The following GLUD1 variants were observed in gnomAD, a reference collection of about 807,000 sequenced individuals.
GLUD1 encodes glutamate dehydrogenase 1, mitochondrial.
GLUD1 carries 22 observed loss-of-function variants against 56.0 expected under a neutral mutation model. The observed-to-expected ratio is 0.39, with a 90% CI of 0.28 to 0.56. GLUD1 has a LOEUF of 0.56. GLUD1 is among the 20% of genes least tolerant of loss of function. GLUD1 has a pLI of 0.58. For synonymous variants in GLUD1, 223 were observed against 269.9 expected (o/e 0.83, Z 1.70); for missense variants, 451 against 732.0 (o/e 0.62, Z 4.43).
chr10:87,052,261 T>C (rs1311518382), intron 12 of GLUD1, among the ~76,000 whole-genome samples: 1 of 151,844 alleles, frequency 6.6e-6, no homozygotes, highest in Non-Finnish European at 1.5e-5. Flanking sequence ...CTGAGGCAGG[T>C]GGATCACTTG....
intron 9 of GLUD1, 44 bp downstream of exon 9, chr10:87,060,117 T>C (rs1002559788): frequency 1.7e-6 from 2 of 1,197,218 alleles, no homozygotes; most frequent in South Asian, 1.2e-5. Flanking sequence ...AAGACTATTA[T>C]GATTCTAAGT....
chr10:87,072,434 G>A (rs561800461), intron 4 of GLUD1, among the ~76,000 whole-genome samples: 1 of 152,268 alleles, frequency 6.6e-6, no homozygotes, highest in South Asian at 2.1e-4. Context: ...GCCTCAATCT[G>A]ACACTCTCTG....
chr10:87,062,619 C>G (rs758326807), intron 6 of GLUD1, 37 bp downstream of exon 6: 14 of 1,414,722 alleles, frequency 9.9e-6, no homozygotes, highest in Non-Finnish European at 1.4e-5. Flanking sequence ...TAATGTCTAT[C>G]AGTTATTAAG....
At chr10:87,068,504 A>G (rs1403352160) in intron 4 of GLUD1, among the ~76,000 whole-genome samples, 1 of 152,206 alleles carries the variant, frequency 6.6e-6, no homozygotes, top group Non-Finnish European at 1.5e-5. Context: ...ACATGCAATT[A>G]GAGATAACAG....
intron 4 of GLUD1, among the ~76,000 whole-genome samples, chr10:87,070,678 C>T (rs1010662977): frequency 2.6e-5 from 4 of 152,030 alleles, no homozygotes; most frequent in Non-Finnish European, 1.5e-5. Context: ...GTTTGTAAAT[C>T]AGAAACACGT....
chr10:87,050,797 C>A lies in GLUD1; in HGVS notation c.*954G>T, dbSNP rs1017379209. The A allele has an allele frequency of 4.6e-5, 7 of 152,174 alleles. No individual in the cohort carries two copies. Among genetic ancestry groups the A allele is most frequent in the African/African-American group, 1.7e-4 (7 of 41,454 alleles). The allele number at this position is 152,174 out of a possible 1,614,324, so 9.4% of individuals were successfully genotyped here. The stretch of plus-strand genomic sequence containing the variant: ...TAGGGGCCATTGGCAATGCTCAGAG[C>A]CAGCCAGACTCCAAACAGGGAGCCC... On this transcript the variant is annotated 3_prime_UTR_variant, in exon 13 of 13. Transcript: ENST00000277865.
chr10:87,058,069 C>T lies in GLUD1; in HGVS notation c.1403-287G>A, dbSNP rs560048830. On this transcript the variant is annotated intron_variant, in intron 10 of 12. Coordinates refer to ENST00000277865, the MANE Select transcript of GLUD1 (RefSeq NM_005271.5). ...ATTTTTAGTAGAGACGGGGTTTCACCGTGTTAGCCAGGATGGTCTCGACCT... is the reference window on the plus strand; with the variant it reads ...ATTTTTAGTAGAGACGGGGTTTCACTGTGTTAGCCAGGATGGTCTCGACCT... Among the ~76,000 whole-genome samples, 68 of 152,240 alleles carry T rather than the reference C, an allele frequency of 4.5e-4. No homozygotes were observed. The South Asian group carries it at 0.013, about 29-fold the overall frequency.
chr10:87,094,827 T>C lies in GLUD1; in HGVS notation c.-58A>G. 1.5e-6 allele frequency: 2 copies of C among 1,320,750 alleles called. No homozygotes were observed. The highest frequency in any genetic ancestry group is 1.0e-6 in the Non-Finnish European group (1 of 963,124). 81.8% of individuals were successfully genotyped at this position (1,320,750 alleles called of 1,614,324 possible). Reference sequence around the variant, plus strand: ...GCGAAACAGGCGCGCTTTCTCAGACTCCCCGCGACTAGGGAGGAAGGGTCC... The same window carrying C: ...GCGAAACAGGCGCGCTTTCTCAGACCCCCCGCGACTAGGGAGGAAGGGTCC... On this transcript the variant is annotated 5_prime_UTR_variant, in exon 1 of 13. Transcript: ENST00000277865. The surrounding 1 kb of genome is among the most constrained non-coding windows in gnomAD (Gnocchi z 6.6).
rs770379161 is a variant in GLUD1, at chr10:87,074,502, A to AT, written c.646+48dup. On this transcript the variant is annotated intron_variant, in intron 4 of 12. Transcript: ENST00000277865. ...GACTCCGTCTCAAAAAAAAAAAAAA[A>AT]TTTTTAGATGTTCCCACTTTATACC... 1.6e-4 allele frequency: 170 copies of AT among 1,065,060 alleles called. 1 individual carries two copies. The African/African-American group carries it at 2.3e-3, about 14-fold the overall frequency. 66.0% of individuals were successfully genotyped at this position (1,065,060 alleles called of 1,614,324 possible).
At chr10:87,062,945 A>G in intron 5 of GLUD1, 110 bp from the exon 6 acceptor site, 1 of 977,952 alleles carries the variant, frequency 1.0e-6, no homozygotes. Flanking sequence ...AAATATGCTA[A>G]TTAGGAGTGT....
intron 4 of GLUD1, among the ~76,000 whole-genome samples, chr10:87,073,048 T>G (rs1846281588): frequency 6.6e-6 from 1 of 152,228 alleles, no homozygotes; most frequent in Admixed American, 6.5e-5. Context: ...CTAGTCAAGT[T>G]TTAGAGTTAC....
intron 12 of GLUD1, among the ~76,000 whole-genome samples, chr10:87,052,669 CAAA>C (rs751155208): frequency 0.015 from 635 of 41,612 alleles, 2 homozygotes; most frequent in African/African-American, 0.042. Context: ...AACTCCGTCT[CAAA>C]AAAAAAAAAA....
At position 87,094,283 on chromosome 10, in the gene GLUD1, G is replaced by A; in HGVS notation, c.445+42C>T. ...CAGGAGGCCGGAGGGGAGGGCCGCAGGGGAGGCAGGGAGGGCGGGACGGGG... is the reference window on the plus strand; with the variant it reads ...CAGGAGGCCGGAGGGGAGGGCCGCAAGGGAGGCAGGGAGGGCGGGACGGGG... On this transcript the variant is annotated intron_variant, in intron 1 of 12. Coordinates refer to ENST00000277865, the MANE Select transcript of GLUD1 (RefSeq NM_005271.5). The surrounding 1 kb of genome is among the most constrained non-coding windows in gnomAD (Gnocchi z 6.6). 1 of 1,560,544 alleles carries A rather than the reference G, an allele frequency of 6.4e-7. No individual in the cohort carries two copies. Among genetic ancestry groups the A allele is most frequent in the Non-Finnish European group, 8.7e-7 (1 of 1,152,954 alleles).
intron 3 of GLUD1, among the ~76,000 whole-genome samples, chr10:87,075,019 G>A (rs1339975165): frequency 6.6e-6 from 1 of 152,022 alleles, no homozygotes; most frequent in African/African-American, 2.4e-5. Context: ...ACTTGGAACT[G>A]ACTGGATAAA....
chr10:87,062,990 T>C lies in GLUD1; in HGVS notation c.742-155A>G, dbSNP rs559699178. Among the ~76,000 whole-genome samples, 4 of 152,330 alleles carry C rather than the reference T, an allele frequency of 2.6e-5. No individual in the cohort carries two copies. In the East Asian group the frequency reaches 7.7e-4, roughly 29 times the overall value. ...TGTATTTAAGGTATACTTTTACCAATAGAGACAAGACTCACTTTTTCAGCT... is the reference window on the plus strand; with the variant it reads ...TGTATTTAAGGTATACTTTTACCAACAGAGACAAGACTCACTTTTTCAGCT... On this transcript the variant is annotated intron_variant, in intron 5 of 12. Coordinates refer to ENST00000277865, the MANE Select transcript of GLUD1 (RefSeq NM_005271.5).
rs1038982710 is a variant in GLUD1, at chr10:87,060,227, A to G, written c.1212T>C (p.Gly404=). Residue 404 remains glycine (G), a synonymous_variant, in exon 9 of 13, where the codon GGT becomes GGC. Transcript: ENST00000277865. ...CTTCTGGAGTTGTTGGCCCATTGGC[A>G]CCTTCAGCAATGATCTGCAAGAGAG... ...PRVKAKIIAE[G]ANGPTTPEAD... is the part of the protein sequence containing the mutation. 5 of 1,609,362 alleles carry G rather than the reference A, an allele frequency of 3.1e-6. No homozygotes were observed. The African/African-American group carries it at 5.3e-5, about 17-fold the overall frequency.
At chr10:87,062,621 G>C (rs766397349) in intron 6 of GLUD1, 35 bp downstream of exon 6, 2 of 1,491,950 alleles carry the variant, frequency 1.3e-6, no homozygotes, top group Non-Finnish European at 1.9e-6. Context: ...ATGTCTATCA[G>C]TTATTAAGGA....
chr10:87,066,146 A>C (rs1207053438), intron 5 of GLUD1, among the ~76,000 whole-genome samples: 4 of 152,024 alleles, frequency 2.6e-5, no homozygotes, highest in Non-Finnish European at 4.4e-5. Context: ...GCCAAAAGAC[A>C]AAAAAAACCT....
chr10:87,068,556 A>T (rs1404389247), intron 4 of GLUD1, among the ~76,000 whole-genome samples: 1 of 152,170 alleles, frequency 6.6e-6, no homozygotes, highest in East Asian at 1.9e-4. Flanking sequence ...ATGGTTAGGG[A>T]GTTGACATGT....
Sources: gnomAD v4.1 joint callset for allele counts (sites outside exome capture counted in the v4.1 genomes callset) on GRCh38, gnomAD v4.1.1 for gene constraint, Gnocchi (gnomAD v3.1) non-coding constraint, MANE v1.5 for transcripts, NCBI Gene and HGNC (gene_info 2026-07-23, HGNC 2026-07-21) for gene names.